Variants in EFNA5 observed in about 807,000 individuals in gnomAD.
EFNA5 encodes ephrin A5, also known as ephrin-A5.
Under a neutral mutation model 22.9 loss-of-function variants are expected in EFNA5, and 5 were observed. The ratio of observed to expected loss-of-function variants is 0.22; its 90% confidence interval spans 0.11 to 0.46. The LOEUF is 0.46. Among genes scored for constraint, EFNA5 ranks in the 20% least tolerant of loss-of-function variants. The pLI is 0.99. For synonymous variants in EFNA5, 113 were observed against 112.2 expected, an observed-to-expected ratio of 1.01 and a Z score of -0.04; for missense variants, 237 against 293.3, an observed-to-expected ratio of 0.81 and a Z score of 1.40.
intron 1 of EFNA5, among the ~76,000 whole-genome samples, chr5:107,476,244 G>A (rs1046121811): frequency 5.3e-5 from 8 of 150,358 alleles, no homozygotes; most frequent in South Asian, 2.1e-4. Context: ...GTAGAGATTC[G>A]GTTTCACAAT....
chr5:107,572,688 C>T (rs947972413), intron 1 of EFNA5, among the ~76,000 whole-genome samples: 2 of 152,194 alleles, frequency 1.3e-5, no homozygotes, highest in African/African-American at 4.8e-5. Flanking sequence ...TTATTGCCAA[C>T]AAAATATAAT....
intron 1 of EFNA5, among the ~76,000 whole-genome samples, chr5:107,658,150 A>G (rs1413034206): frequency 6.6e-6 from 1 of 152,172 alleles, no homozygotes; most frequent in Non-Finnish European, 1.5e-5. Context: ...CCAGACATTG[A>G]AAGTAGAAAA....
intron 1 of EFNA5, among the ~76,000 whole-genome samples, chr5:107,454,011 A>G (rs74763028): frequency 2.2e-3 from 330 of 152,258 alleles, no homozygotes; most frequent in Non-Finnish European, 3.3e-3. Flanking sequence ...TGCCAGATCA[A>G]TATTAACCCA....
chr5:107,480,101 GAAT>G (rs953121410), intron 1 of EFNA5, among the ~76,000 whole-genome samples: 14 of 152,042 alleles, frequency 9.2e-5, no homozygotes, highest in Non-Finnish European at 1.6e-4. Flanking sequence ...GAGAAAATAA[GAAT>G]AATACATATT....
At position 107,591,935 on chromosome 5, in the gene EFNA5, T is replaced by TATATATA. The variant is rs1561442983; in HGVS notation, c.125+78547_125+78553dup. Among the ~76,000 whole-genome samples, 58 of 14,944 alleles carry TATATATA rather than the reference T, an allele frequency of 3.9e-3. 5 individuals are homozygous for TATATATA. The highest frequency in any genetic ancestry group is 5.1e-3 in the Admixed American group (5 of 980). 9.8% of individuals were successfully genotyped at this position (14,944 alleles called of 152,430 possible). On this transcript the variant is annotated intron_variant, in intron 1 of 4. Coordinates refer to ENST00000333274, the MANE Select transcript of EFNA5 (RefSeq NM_001962.3). Reference sequence around the variant, plus strand: ...TAAAAAATATATATATAATATATAATATATATATTATATATAATATATAAT... The same window carrying TATATATA: ...TAAAAAATATATATATAATATATAATATATATAATATATATTATATATAATATATAAT...
chr5:107,521,501 G>A (rs888955490), intron 1 of EFNA5, among the ~76,000 whole-genome samples: 2 of 145,352 alleles, frequency 1.4e-5, no homozygotes, highest in African/African-American at 2.6e-5. Flanking sequence ...TGGAGAGACA[G>A]GGTTTCCATA....
chr5:107,530,524 G>A (rs1747788185), intron 1 of EFNA5, among the ~76,000 whole-genome samples: 1 of 152,198 alleles, frequency 6.6e-6, no homozygotes, highest in Admixed American at 6.5e-5. Context: ...TTTTGCTCTT[G>A]ATGTCTAATC....
intron 2 of EFNA5, among the ~76,000 whole-genome samples, chr5:107,396,334 C>T (rs575245011): frequency 4.6e-5 from 7 of 152,332 alleles, no homozygotes; most frequent in African/African-American, 1.7e-4. Context: ...TTAGCTTCAT[C>T]TTCTCTAAAA....
At chr5:107,397,479 C>T (rs1219720460) in intron 2 of EFNA5, among the ~76,000 whole-genome samples, 2 of 150,728 alleles carry the variant, frequency 1.3e-5, no homozygotes, top group Non-Finnish European at 2.9e-5. Flanking sequence ...ACCTGGGAGG[C>T]GAAGGTTGCA....
intron 1 of EFNA5, among the ~76,000 whole-genome samples, chr5:107,589,400 T>C (rs1580545839): frequency 6.6e-6 from 1 of 152,102 alleles, no homozygotes; most frequent in Non-Finnish European, 1.5e-5. Context: ...GGAAAAGGTA[T>C]AATCAAGAGC....
intron 1 of EFNA5, among the ~76,000 whole-genome samples, chr5:107,564,631 GTTTTTTTTTT>G (rs34585445): frequency 1.7e-5 from 2 of 115,036 alleles, no homozygotes; most frequent in Admixed American, 8.8e-5. Context: ...TTGGGTTTTT[GTTTTTTTTTT>G]TTTTTTTTTT....
chr5:107,387,379 TTTC>T (rs1341710504), intron 3 of EFNA5, 64 bp from the exon 4 acceptor site: 6 of 1,081,426 alleles, frequency 5.5e-6, no homozygotes, highest in Non-Finnish European at 8.1e-6. Flanking sequence ...CTCCCATTTC[TTTC>T]TTTTTTCTTT....
At chr5:107,666,820 G>A (rs982913868) in intron 1 of EFNA5, among the ~76,000 whole-genome samples, 1 of 152,050 alleles carries the variant, frequency 6.6e-6, no homozygotes, top group Non-Finnish European at 1.5e-5. Flanking sequence ...ATGTTTAAAA[G>A]TATATTCTTA....
chr5:107,462,463 T>C (rs938914388), intron 1 of EFNA5, among the ~76,000 whole-genome samples: 4 of 152,122 alleles, frequency 2.6e-5, no homozygotes, highest in South Asian at 2.1e-4. Flanking sequence ...ATAAACACCA[T>C]AGTGCAGAAA....
intron 1 of EFNA5, among the ~76,000 whole-genome samples, chr5:107,560,544 C>A (rs1748513270): frequency 6.6e-6 from 1 of 152,206 alleles, no homozygotes; most frequent in African/African-American, 2.4e-5. Flanking sequence ...CTCCCCCGTG[C>A]CGCTGTGAAC....
At chr5:107,666,889 A>C (rs1042594836) in intron 1 of EFNA5, among the ~76,000 whole-genome samples, 1 of 152,158 alleles carries the variant, frequency 6.6e-6, no homozygotes, top group Non-Finnish European at 1.5e-5. Flanking sequence ...TCTTAGTATT[A>C]TGACTCTCTT....
chr5:107,598,902 C>G (rs1304405864), intron 1 of EFNA5, among the ~76,000 whole-genome samples: 5 of 152,162 alleles, frequency 3.3e-5, no homozygotes, highest in African/African-American at 1.2e-4. Context: ...TACATTCATT[C>G]TCTCTTAGCT....
At position 107,524,500 on chromosome 5, in the gene EFNA5, A is replaced by G. The variant is rs1281263058; in HGVS notation, c.126-96991T>C. On this transcript the variant is annotated intron_variant, in intron 1 of 4. Transcript: ENST00000333274. ...AATAGGCAAGCTATACTATTTATAC[A>G]TCATCTACTATTTACTCCACTAATG... is the stretch of plus-strand genomic sequence containing the variant. Among the ~76,000 whole-genome samples the G allele has an allele frequency of 5.3e-5, 8 of 152,326 alleles. No individual in the cohort carries two copies. In the East Asian group the frequency reaches 1.3e-3, roughly 26 times the overall value.
chr5:107,409,277 T>C (rs1343396909), intron 2 of EFNA5, among the ~76,000 whole-genome samples: 2 of 152,178 alleles, frequency 1.3e-5, no homozygotes, highest in Non-Finnish European at 2.9e-5. Flanking sequence ...TCAGAAGACA[T>C]CAAAATTTGG....
Sources: gnomAD v4.1 joint callset for allele counts (sites outside exome capture counted in the v4.1 genomes callset) on GRCh38, gnomAD v4.1.1 for gene constraint, MANE v1.5 for transcripts, NCBI Gene and HGNC (gene_info 2026-07-23, HGNC 2026-07-21) for gene names.